The following MARCHF8 variants were observed in gnomAD, a reference collection of about 807,000 sequenced individuals.
MARCHF8 encodes the protein E3 ubiquitin-protein ligase MARCHF8.
MARCHF8 carries 40 observed loss-of-function variants against 51.6 expected under a neutral mutation model. The observed-to-expected ratio is 0.77, with a 90% CI of 0.60 to 1.01. MARCHF8 has a LOEUF of 1.01. Ranked by LOEUF, MARCHF8 falls within the 50% of genes least tolerant of loss-of-function variation. The probability of loss-of-function intolerance (pLI) is 0.00; values close to 1 mark genes in which losing one functional copy is unlikely to be tolerated. For missense variants in MARCHF8, 685 were observed against 708.6 expected, an observed-to-expected ratio of 0.97 and a Z score of 0.38; for synonymous variants, 263 against 280.3, an observed-to-expected ratio of 0.94 and a Z score of 0.62.
chr10:45,538,540 A>T (rs2044006298), upstream of MARCHF8, among the ~76,000 whole-genome samples: 1 of 152,380 alleles, frequency 6.6e-6, no homozygotes, highest in South Asian at 2.1e-4. Flanking sequence ...TAAAGAGTCA[A>T]GACCCATTAC....
chr10:45,513,398 C>A (rs1182325518), intron 2 of MARCHF8, among the ~76,000 whole-genome samples: 1 of 152,058 alleles, frequency 6.6e-6, no homozygotes, highest in African/African-American at 2.4e-5. Context: ...ACAGGTCCAG[C>A]CCCTGCGAAT....
At chr10:45,576,510 GGT>G (rs1554820857) in intron 1 of MARCHF8, among the ~76,000 whole-genome samples, 1 of 152,100 alleles carries the variant, frequency 6.6e-6, no homozygotes, top group Non-Finnish European at 1.5e-5. Context: ...ACCCCCTCAT[GGT>G]GTTAGAATAA....
At chr10:45,505,777 A>G (rs1319185745) in intron 2 of MARCHF8, among the ~76,000 whole-genome samples, 1 of 152,228 alleles carries the variant, frequency 6.6e-6, no homozygotes, top group Non-Finnish European at 1.5e-5. Context: ...GCAACTATAA[A>G]TAGTCTGGTT....
intron 2 of MARCHF8, among the ~76,000 whole-genome samples, chr10:45,531,890 T>C (rs533592260): frequency 2.6e-5 from 4 of 152,078 alleles, no homozygotes; most frequent in Non-Finnish European, 5.9e-5. Flanking sequence ...ACTGCATAAA[T>C]AAAAATGGGC....
chr10:45,518,497 C>T lies in MARCHF8; in HGVS notation c.102+14613G>A, dbSNP rs1032910213. Among the ~76,000 whole-genome samples, 42 of 152,140 alleles carry T rather than the reference C, an allele frequency of 2.8e-4. 1 individual carries two copies. The highest frequency in any genetic ancestry group is 7.3e-5 in the Non-Finnish European group (5 of 68,028). Reference sequence around the variant, plus strand: ...GCAGTTCACCCATTCATGGATTTTCCCTGCCTAGACTACTGCTCTAAAGAC... The same window carrying T: ...GCAGTTCACCCATTCATGGATTTTCTCTGCCTAGACTACTGCTCTAAAGAC... On this transcript the variant is annotated intron_variant, in intron 2 of 7. Transcript: ENST00000453424.
Position 45,463,429 on chromosome 10 carries a change from G to A in MARCHF8, c.810C>T (p.Ser270=), listed in dbSNP as rs1420960472. Residue 270 remains serine, a synonymous_variant, in exon 5 of 8, where the codon AGC becomes AGT. Transcript: ENST00000453424. ...CATGGAACCTGTGCAGGCTGCTGGC[G>A]CTCAAGCCGTGCGAGAGTGAGAACA... is the stretch of plus-strand genomic sequence containing the variant. ...QYLFSLSHGL[S]ASSLHRFHEL... 9.0e-6 allele frequency: 14 copies of A among 1,550,618 alleles called. No homozygotes were observed. The highest frequency in any genetic ancestry group is 1.7e-4 in the Middle Eastern group (1 of 5,992).
At chr10:45,497,423 A>G (rs2043193272) in intron 2 of MARCHF8, among the ~76,000 whole-genome samples, 1 of 152,160 alleles carries the variant, frequency 6.6e-6, no homozygotes, top group South Asian at 2.1e-4. Flanking sequence ...CACTAAACCA[A>G]CTTGACCTAA....
intron 1 of MARCHF8, among the ~76,000 whole-genome samples, chr10:45,561,817 C>T (rs1362454390): frequency 6.9e-6 from 1 of 145,518 alleles, no homozygotes; most frequent in Non-Finnish European, 1.5e-5. Flanking sequence ...AAGAGAATGG[C>T]GTGAACCCAG....
intron 1 of MARCHF8, among the ~76,000 whole-genome samples, chr10:45,547,340 A>C (rs1366466071): frequency 6.6e-6 from 1 of 152,188 alleles, no homozygotes; most frequent in Non-Finnish European, 1.5e-5. Context: ...AGAAACTTTT[A>C]TCTCCCTTTC....
chr10:45,525,146 T>C (rs1390066455), intron 2 of MARCHF8, among the ~76,000 whole-genome samples: 1 of 152,190 alleles, frequency 6.6e-6, no homozygotes, highest in African/African-American at 2.4e-5. Flanking sequence ...AGATGTTAGG[T>C]ACAAATGAAT....
chr10:45,520,139 C>G (rs958342523), intron 2 of MARCHF8, among the ~76,000 whole-genome samples: 1 of 152,184 alleles, frequency 6.6e-6, no homozygotes, highest in African/African-American at 2.4e-5. Flanking sequence ...ATGACCACAA[C>G]AGTAATGCCT....
chr10:45,502,168 TAG>T lies in MARCHF8; in HGVS notation c.103-12753_103-12752del, dbSNP rs1243983545. Among the ~76,000 whole-genome samples, 3 of 152,294 alleles carry T rather than the reference TAG, an allele frequency of 2.0e-5. 1 individual carries two copies. The highest frequency in any genetic ancestry group is 4.8e-5 in the African/African-American group (2 of 41,578). ...AAACACATGTTCACATAAAAACCTA[TAG>T]GTGTCTATAGCAGCTTTGTTCAAAC... On this transcript the variant is annotated intron_variant, in intron 2 of 7. Transcript: ENST00000453424.
intron 2 of MARCHF8, among the ~76,000 whole-genome samples, chr10:45,496,251 C>G (rs144998613): frequency 6.6e-6 from 1 of 152,040 alleles, no homozygotes; most frequent in Non-Finnish European, 1.5e-5. Flanking sequence ...AATATAAATG[C>G]ATATATATTT....
intron 3 of MARCHF8, among the ~76,000 whole-genome samples, chr10:45,468,078 A>C (rs1843029474): frequency 1.3e-5 from 2 of 152,176 alleles, no homozygotes; most frequent in Admixed American, 1.3e-4. Context: ...ATCCCAGTTT[A>C]TTTTATTTCT....
In MARCHF8 at chr10:45,546,143, TTTA is replaced by T. The variant is rs2044118524; in HGVS notation, c.-78-12857_-78-12855del. ...AATATAAAAATGAGCTGAATTTTTATTTATTTATTTATTTATTTATTTATTTAT... is the reference window on the plus strand; with the variant it reads ...AATATAAAAATGAGCTGAATTTTTATTTTATTTATTTATTTATTTATTTAT... On this transcript the variant is annotated intron_variant, in intron 1 of 6. Coordinates refer to the MARCHF8 transcript ENST00000319836. Among the ~76,000 whole-genome samples, 7 of 134,450 alleles carry T rather than the reference TTTA, an allele frequency of 5.2e-5. No individual in the cohort carries two copies. The East Asian group carries it at 1.4e-3, about 26-fold the overall frequency. The allele number at this position is 134,450 out of a possible 152,430, so 88.2% of individuals were successfully genotyped here. A position where few individuals can be genotyped will look rare whatever the true frequency, so the allele number is the denominator to read the frequency against.
chr10:45,505,559 T>C (rs574925633), intron 2 of MARCHF8, among the ~76,000 whole-genome samples: 3 of 152,314 alleles, frequency 2.0e-5, no homozygotes, highest in South Asian at 4.1e-4. Flanking sequence ...CCCTACTTTT[T>C]CCCACAGTGA....
At chr10:45,495,794 G>C (rs908897606) in intron 2 of MARCHF8, among the ~76,000 whole-genome samples, 15 of 142,068 alleles carry the variant, frequency 1.1e-4, no homozygotes, top group African/African-American at 4.0e-4. Context: ...AGGGAGACAG[G>C]CAGGAAGGTG....
At chr10:45,524,164 A>C (rs2133245936) in intron 2 of MARCHF8, among the ~76,000 whole-genome samples, 1 of 152,362 alleles carries the variant, frequency 6.6e-6, no homozygotes, top group East Asian at 1.9e-4. Context: ...GTTTTATAAC[A>C]GCATACTCTT....
chr10:45,548,908 C>G (rs1379758203), intron 1 of MARCHF8, among the ~76,000 whole-genome samples: 2 of 151,224 alleles, frequency 1.3e-5, no homozygotes, highest in Non-Finnish European at 2.9e-5. Flanking sequence ...GGCAAGAGAA[C>G]TGCTTGAACC....
Sources: allele counts gnomAD v4.1 joint callset (sites outside exome capture counted in the v4.1 genomes callset), GRCh38; gene constraint gnomAD v4.1.1; transcripts MANE v1.5; gene names NCBI Gene and HGNC (gene_info 2026-07-23, HGNC 2026-07-21).